ANKS1A: variants seen among roughly 807,000 people sequenced by gnomAD.
The protein encoded by ANKS1A is ankyrin repeat and SAM domain-containing protein 1A.
A neutral mutation model predicts 120.3 loss-of-function variants in ANKS1A; 55 were observed. The observed-to-expected ratio is 0.46, with a 90% CI of 0.37 to 0.57. The LOEUF is 0.57. Among genes scored for constraint, ANKS1A ranks in the 20% least tolerant of loss-of-function variants. The pLI, the probability that ANKS1A is intolerant of heterozygous loss-of-function variation, is 0.00. For synonymous variants in ANKS1A, 590 were observed against 604.7 expected (o/e 0.98, Z 0.36); for missense variants, 1,123 against 1,480.3 (o/e 0.76, Z 3.96).
chr6:34,984,189 A>G (rs1026494572), intron 7 of ANKS1A, among the ~76,000 whole-genome samples: 1 of 152,320 alleles, frequency 6.6e-6, no homozygotes, highest in East Asian at 1.9e-4. Context: ...ATGGGAGCTT[A>G]GGGAGTCTAG....
intron 11 of ANKS1A, chr6:35,023,768 A>G: frequency 3.2e-6 from 1 of 313,218 alleles, no homozygotes; most frequent in South Asian, 3.4e-5. Flanking sequence ...AAGTAGTTCT[A>G]GGTGACAGGA....
At chr6:34,917,401 T>G (rs575854219) in intron 1 of ANKS1A, among the ~76,000 whole-genome samples, 2 of 152,352 alleles carry the variant, frequency 1.3e-5, no homozygotes, top group African/African-American at 2.4e-5. Context: ...CTTTCCATGT[T>G]GATGACCTCT....
chr6:35,019,671 G>A (rs75290334), intron 11 of ANKS1A, among the ~76,000 whole-genome samples: 1,630 of 152,292 alleles, frequency 0.011, 24 homozygotes, highest in African/African-American at 0.036. Context: ...AGGAATGTAT[G>A]CTCTACCTTT....
the ANKS1A span, among the ~76,000 whole-genome samples, chr6:35,097,673 C>T: frequency 6.3e-4 from 93 of 147,508 alleles, 1 homozygote; most frequent in Non-Finnish European, 1.1e-3. Flanking sequence ...TACACACACA[C>T]ACACAGCCAA....
chr6:35,055,912 A>C (rs180933695), intron 12 of ANKS1A, among the ~76,000 whole-genome samples: 202 of 152,362 alleles, frequency 1.3e-3, no homozygotes, highest in African/African-American at 4.5e-3. Flanking sequence ...CAGTCAAGCC[A>C]TCTCACACTC....
At chr6:35,041,127 C>T (rs1052349486) in intron 11 of ANKS1A, among the ~76,000 whole-genome samples, 10 of 152,186 alleles carry the variant, frequency 6.6e-5, no homozygotes, top group African/African-American at 2.4e-4. Context: ...AACAGTTGTC[C>T]TGGGTCTTGG....
Position 35,078,637 on chromosome 6 carries a change from C to A in ANKS1A, c.2264C>A (p.Ala755Glu), listed in dbSNP as rs372972200. Residue 755 changes from alanine to glutamate, a missense_variant, in exon 14 of 24, where the codon GCG becomes GAG. Ala to Glu is a moderately radical substitution (Grantham distance 107). Around this residue, in one of 3 missense-constraint regions of ANKS1A, gnomAD observed 904 missense variants for 1,130.4 expected, o/e 0.80. Coordinates refer to ENST00000360359, the MANE Select transcript of ANKS1A (RefSeq NM_015245.3). The stretch of plus-strand genomic sequence containing the variant: ...CAGCACCGGCGGAAGCTGCTCCAGG[C>A]GGCACGCTCCCTACCCAAGGTGACC... ...DPQHRRKLLQ[A>E]ARSLPKVKAL... The A allele has an allele frequency of 1.6e-5, 25 of 1,603,174 alleles. No homozygotes were observed. The highest frequency in any genetic ancestry group is 2.1e-5 in the Non-Finnish European group (25 of 1,179,880).
At chr6:34,993,653 G>C (rs1581612447) in intron 9 of ANKS1A, among the ~76,000 whole-genome samples, 1 of 152,348 alleles carries the variant, frequency 6.6e-6, no homozygotes, top group East Asian at 1.9e-4. Flanking sequence ...CAAAAATAGA[G>C]ATGGACTTAC....
intron 1 of ANKS1A, among the ~76,000 whole-genome samples, chr6:34,945,999 GAGACAGAGTCTCAC>G (rs1769774776): frequency 1.2e-5 from 1 of 81,128 alleles, no homozygotes; most frequent in Admixed American, 1.4e-4. Flanking sequence ...TTTTTTTTTT[GAGACAGAGTCTCAC>G]TCTGTCCCCC....
In ANKS1A at chr6:35,089,352, G is replaced by C. The variant is rs1488023554; in HGVS notation, c.*743G>C. ...TTCTAGTGCTGGGAAGTCTTAGCCAGCACCAGAGCGCCAGGCCTCTCCCTG... is the reference window on the plus strand; with the variant it reads ...TTCTAGTGCTGGGAAGTCTTAGCCACCACCAGAGCGCCAGGCCTCTCCCTG... On this transcript the variant is annotated 3_prime_UTR_variant, in exon 24 of 24. Coordinates refer to ENST00000360359, the MANE Select transcript of ANKS1A (RefSeq NM_015245.3). 1.1e-5 allele frequency: 11 copies of C among 986,706 alleles called. No individual in the cohort carries two copies. Among genetic ancestry groups the C allele is most frequent in the Non-Finnish European group, 1.3e-5 (11 of 830,684 alleles). 61.1% of individuals were successfully genotyped at this position (986,706 alleles called of 1,614,324 possible).
At chr6:34,976,830 T>G (rs1410121271) in intron 3 of ANKS1A, among the ~76,000 whole-genome samples, 1 of 151,988 alleles carries the variant, frequency 6.6e-6, no homozygotes, top group Non-Finnish European at 1.5e-5. Context: ...GATGAAATAT[T>G]TGATATTAAG....
intron 11 of ANKS1A, among the ~76,000 whole-genome samples, chr6:35,031,086 T>C (rs1774884021): frequency 6.6e-6 from 1 of 152,198 alleles, no homozygotes; most frequent in African/African-American, 2.4e-5. Context: ...TCAAAGACAG[T>C]GTGCACAATG....
chr6:34,975,396 G>A (rs568760246), intron 3 of ANKS1A, among the ~76,000 whole-genome samples: 36 of 151,880 alleles, frequency 2.4e-4, no homozygotes, highest in African/African-American at 7.7e-4. Flanking sequence ...AGAGGTTGCA[G>A]TGAGCTGAGA....
In ANKS1A at chr6:35,017,752, A is replaced by G. The variant is rs1774108155; in HGVS notation, c.1703A>G (p.Tyr568Cys). ...SALDQSKRVG[Y>C]LTGLPTTNSR... ...CTGGACCAGAGCAAGAGAGTGGGCT[A>G]CCTCACAGGCCTGCCCACCACCAAC... Residue 568 changes from tyrosine to cysteine, a missense_variant, in exon 11 of 24, where the codon TAC (tyrosine) becomes TGC (cysteine). Transcript: ENST00000360359. 2 of 1,614,086 alleles carry G rather than the reference A, an allele frequency of 1.2e-6. No individual in the cohort carries two copies. Among genetic ancestry groups the G allele is most frequent in the East Asian group, 2.2e-5 (1 of 44,880 alleles).
rs532125371 is a variant in ANKS1A, at chr6:34,972,375, A to G, written c.435+2209A>G. Among the ~76,000 whole-genome samples, 4 of 152,224 alleles carry G rather than the reference A, an allele frequency of 2.6e-5. No individual in the cohort carries two copies. In the South Asian group the frequency reaches 8.3e-4, roughly 32 times the overall value. On this transcript the variant is annotated intron_variant, in intron 3 of 23. Coordinates refer to ENST00000360359, the MANE Select transcript of ANKS1A (RefSeq NM_015245.3). ...TACTATATTGATTCATTTTAAAACC[A>G]TTAATATGGTTCCAGTAGGATGCTT...
intron 13 of ANKS1A, among the ~76,000 whole-genome samples, chr6:35,070,071 A>C (rs1777003538): frequency 6.7e-6 from 1 of 149,854 alleles, no homozygotes; most frequent in African/African-American, 2.5e-5. Flanking sequence ...AATGTTGCTC[A>C]GGCTGGTCTC....
intron 1 of ANKS1A, among the ~76,000 whole-genome samples, chr6:34,912,692 G>A (rs17647222): frequency 0.032 from 4,897 of 152,238 alleles, 111 homozygotes; most frequent in South Asian, 0.054. Flanking sequence ...AGTCGATTGG[G>A]GTTAGAAAAA....
In ANKS1A at chr6:35,079,566, G is replaced by C. The variant is rs1340145422; in HGVS notation, c.2334G>C (p.Trp778Cys). 1 of 1,614,114 alleles carries C rather than the reference G, an allele frequency of 6.2e-7. No homozygotes were observed. Among genetic ancestry groups the C allele is most frequent in the Non-Finnish European group, 8.5e-7 (1 of 1,179,992 alleles). ...ACAGCCCCCCTAGCGTGCCCTCCTG[G>C]CTGGACTCCCTGGGGCTGCAGGACT... ...DGNSPPSVPSWLDSLGLQDYV... is the reference protein window; with the variant it reads ...DGNSPPSVPSCLDSLGLQDYV... The change falls in exon 15 of 24, where the codon TGG becomes TGC. Residue 778 changes from tryptophan (W) to cysteine (C), a missense_variant. Trp to Cys is a radical substitution (Grantham distance 215). Transcript: ENST00000360359.
chr6:35,072,655 C>T (rs1014954630), intron 13 of ANKS1A, among the ~76,000 whole-genome samples: 6 of 152,210 alleles, frequency 3.9e-5, no homozygotes, highest in Non-Finnish European at 8.8e-5. Flanking sequence ...AACCCACTCA[C>T]CTCTAAGAAT....
Sources: gnomAD v4.1 joint callset for allele counts (sites outside exome capture counted in the v4.1 genomes callset) on GRCh38, gnomAD v4.1.1 for gene constraint, gnomAD v4.1.1 regional missense constraint, MANE v1.5 for transcripts, NCBI Gene and HGNC (gene_info 2026-07-23, HGNC 2026-07-21) for gene names.